Variants in ANKRD26 observed in about 807,000 individuals in gnomAD.
ANKRD26 encodes the protein ankyrin repeat domain-containing protein 26.
In ANKRD26, 141 loss-of-function variants were observed where a neutral mutation model predicts 208.7. The ratio of observed to expected loss-of-function variants is 0.68; its 90% CI spans 0.59 to 0.78. The LOEUF is 0.78. ANKRD26 is among the 30% of genes least tolerant of loss of function. The pLI, the probability that ANKRD26 is intolerant of heterozygous loss-of-function variation, is 0.00. For synonymous variants in ANKRD26, 636 were observed against 660.4 expected, an observed-to-expected ratio of 0.96 and a Z score of 0.57; for missense variants, 1,889 against 1,938.7, an observed-to-expected ratio of 0.97 and a Z score of 0.48.
the ANKRD26 span, among the ~76,000 whole-genome samples, chr10:26,959,140 G>A: frequency 1.3e-5 from 2 of 151,982 alleles, no homozygotes; most frequent in African/African-American, 2.4e-5. Context: ...TTAGCCAGGT[G>A]TGGTGGCAGG....
chr10:26,998,813 A>G (rs2052653849), intron 4 of ANKRD26, among the ~76,000 whole-genome samples: 1 of 152,048 alleles, frequency 6.6e-6, no homozygotes, highest in South Asian at 2.1e-4. Context: ...AGAGTCTTGG[A>G]AGTTAGATCC....
Position 27,017,735 on chromosome 10 carries a change from T to C in ANKRD26, c.4273A>G (p.Thr1425Ala). The C allele has an allele frequency of 2.5e-6, 4 of 1,613,074 alleles. No homozygotes were observed. In the East Asian group the frequency reaches 8.9e-5, roughly 36 times the overall value. The change falls in exon 30 of 34, where the codon ACA (threonine) becomes GCA (alanine). Residue 1425 changes from threonine (T) to alanine (A), a missense_variant. Physicochemically the swap from Thr to Ala is moderately conservative, Grantham distance 58. Transcript: ENST00000376087. ...TCCTCTTGAAGAATTTGGTTCTTTGTATCCAGATGTAGACATTTTGAACCT... is the reference window on the plus strand; with the variant it reads ...TCCTCTTGAAGAATTTGGTTCTTTGCATCCAGATGTAGACATTTTGAACCT... ...TAGSKCLHLD[T>A]KNQILQEELL...
intron 12 of ANKRD26, 117 bp downstream of exon 12, chr10:27,063,871 T>C (rs138946053): frequency 1.2e-6 from 1 of 853,890 alleles, no homozygotes; most frequent in Admixed American, 2.1e-5. Flanking sequence ...TACCTCTCTT[T>C]ATTCTTACTA....
At chr10:26,995,888 T>C (rs1405442590) in intron 4 of ANKRD26, among the ~76,000 whole-genome samples, 1 of 152,206 alleles carries the variant, frequency 6.6e-6, no homozygotes, top group African/African-American at 2.4e-5. Flanking sequence ...AATTGGGTCC[T>C]CTAAATCGGC....
chr10:27,080,093 A>T, intron 6 of ANKRD26: 1 of 394,330 alleles, frequency 2.5e-6, no homozygotes, highest in Non-Finnish European at 5.1e-6. Context: ...GGAAGCAGAG[A>T]TTGCAGTGAG....
chr10:27,058,803 C>T (rs2054934428), intron 15 of ANKRD26, among the ~76,000 whole-genome samples: 1 of 152,078 alleles, frequency 6.6e-6, no homozygotes, highest in African/African-American at 2.4e-5. Context: ...GTCTCGATCT[C>T]CTGACCTCAT....
intron 1 of ANKRD26, among the ~76,000 whole-genome samples, chr10:27,095,098 G>C (rs1469446079): frequency 1.3e-5 from 2 of 151,894 alleles, no homozygotes; most frequent in African/African-American, 2.4e-5. Flanking sequence ...AATGCCACTT[G>C]TAATTCATGA....
At chr10:26,992,815 TTGGTTATC>T (rs2052514169) in intron 5 of ANKRD26, among the ~76,000 whole-genome samples, 1 of 152,124 alleles carries the variant, frequency 6.6e-6, no homozygotes, top group Admixed American at 6.6e-5. Flanking sequence ...ATCTGACAGG[TTGGTTATC>T]TGGGTTTTCA....
At chr10:27,058,158 G>C (rs141342431) in intron 15 of ANKRD26, among the ~76,000 whole-genome samples, 265 of 152,190 alleles carry the variant, frequency 1.7e-3, no homozygotes, top group African/African-American at 6.0e-3. Flanking sequence ...AAAAACCATA[G>C]AAGTGAAACT....
At chr10:27,050,211 AT>A (rs1468460884) in intron 16 of ANKRD26, among the ~76,000 whole-genome samples, 2 of 114,192 alleles carry the variant, frequency 1.8e-5, no homozygotes, top group African/African-American at 6.9e-5. Flanking sequence ...TAGAGTAAGA[AT>A]CTGTCTCAAA....
intron 5 of ANKRD26, among the ~76,000 whole-genome samples, chr10:27,086,097 A>G (rs1390956374): frequency 6.6e-6 from 1 of 152,140 alleles, no homozygotes; most frequent in African/African-American, 2.4e-5. Context: ...CACAGGGATC[A>G]CCAGTCCTAA....
Position 27,006,967 on chromosome 10 carries a change from A to G in ANKRD26, c.4954-5T>C. Reference sequence around the variant, plus strand: ...TTTTTCCAACTCCTGCTGCATCTGAAAAAAGTCAAATGTTATTTATAATGT... The same window carrying G: ...TTTTTCCAACTCCTGCTGCATCTGAGAAAAGTCAAATGTTATTTATAATGT... On this transcript the variant is annotated splice_polypyrimidine_tract_variant and splice_region_variant and intron_variant, in intron 32 of 33. Transcript: ENST00000376087. 2 of 1,603,300 alleles carry G rather than the reference A, an allele frequency of 1.2e-6. No individual in the cohort carries two copies. The highest frequency in any genetic ancestry group is 8.5e-7 in the Non-Finnish European group (1 of 1,171,434).
chr10:27,005,037 A>G lies in ANKRD26; in HGVS notation c.*553T>C. 4.1e-6 allele frequency: 4 copies of G among 985,000 alleles called. No homozygotes were observed. The highest frequency in any genetic ancestry group is 4.8e-6 in the Non-Finnish European group (4 of 829,504). 61.0% of individuals were successfully genotyped at this position (985,000 alleles called of 1,614,324 possible). Reference sequence around the variant, plus strand: ...GTACTAAAACTTCGAAATTTTCTCTAAACTGAAGGCTATTTCCAAAAGGTT... The same window carrying G: ...GTACTAAAACTTCGAAATTTTCTCTGAACTGAAGGCTATTTCCAAAAGGTT... On this transcript the variant is annotated 3_prime_UTR_variant, in exon 34 of 34. Transcript: ENST00000376087.
intron 25 of ANKRD26, 76 bp downstream of exon 25, chr10:27,033,149 T>C: frequency 9.0e-7 from 1 of 1,112,840 alleles, no homozygotes; most frequent in Non-Finnish European, 1.3e-6. Context: ...GGCTACCCAC[T>C]AAATTAGTAT....
intron 27 of ANKRD26, among the ~76,000 whole-genome samples, chr10:27,027,568 C>T (rs1218658478): frequency 6.6e-6 from 1 of 152,078 alleles, no homozygotes; most frequent in African/African-American, 2.4e-5. Flanking sequence ...TGTTTTTAGT[C>T]TATCATAATC....
intron 3 of ANKRD26, among the ~76,000 whole-genome samples, chr10:26,985,286 T>C (rs1042608196): frequency 3.9e-5 from 6 of 152,106 alleles, no homozygotes; most frequent in East Asian, 1.9e-4. Flanking sequence ...CCATGAATGA[T>C]AGTTTCCAGT....
At chr10:27,033,752 T>C (rs773771321) in intron 24 of ANKRD26, among the ~76,000 whole-genome samples, 3 of 152,212 alleles carry the variant, frequency 2.0e-5, no homozygotes, top group South Asian at 2.1e-4. Flanking sequence ...TATTAGAACA[T>C]CAAATCAACT....
the ANKRD26 span, among the ~76,000 whole-genome samples, chr10:26,956,387 T>C: frequency 6.6e-6 from 1 of 152,168 alleles, no homozygotes; most frequent in African/African-American, 2.4e-5. Flanking sequence ...ATAGAAAGTA[T>C]GGTACATCTC....
Position 27,043,567 on chromosome 10 carries a change from C to T in ANKRD26, c.2020G>A (p.Val674Ile). Residue 674 changes from valine to isoleucine, a missense_variant and splice_region_variant, in exon 20 of 34, where the codon GTC (valine) becomes ATC (isoleucine). Val to Ile is a conservative substitution (Grantham distance 29, BLOSUM62 3). Coordinates refer to ENST00000376087, the MANE Select transcript of ANKRD26 (RefSeq NM_014915.3). ...TCCATAGACTGTATTTGGTTTTTGA[C>T]CTATGAAATAAATAACACTGTTTCA... ...TKKTSNEKNK[V>I]KNQIQSMDDV... is the part of the protein sequence containing the mutation. 6.2e-7 allele frequency: 1 copy of T among 1,612,374 alleles called. No individual in the cohort carries two copies. The highest frequency in any genetic ancestry group is 1.7e-5 in the Admixed American group (1 of 59,992).
Sources: gnomAD v4.1 joint callset for allele counts (sites outside exome capture counted in the v4.1 genomes callset) on GRCh38, gnomAD v4.1.1 for gene constraint, MANE v1.5 for transcripts, NCBI Gene and HGNC (gene_info 2026-07-23, HGNC 2026-07-21) for gene names.